Variants in ASH1L observed in about 807,000 individuals in gnomAD.
ASH1L encodes the protein histone-lysine N-methyltransferase ASH1L.
In ASH1L, 23 loss-of-function variants were observed where a neutral mutation model predicts 269.0. The ratio of observed to expected loss-of-function variants is 0.09; its 90% confidence interval spans 0.06 to 0.12. ASH1L has a LOEUF of 0.12. ASH1L is among the 10% of genes least tolerant of loss of function. The pLI is 1.00. For missense variants in ASH1L, 2,912 were observed against 3,567.8 expected (o/e 0.82, Z 4.68); for synonymous variants, 1,187 against 1,253.5 (o/e 0.95, Z 1.12).
intron 5 of ASH1L, among the ~76,000 whole-genome samples, chr1:155,432,576 TC>T (rs747448256): frequency 6.6e-6 from 1 of 152,178 alleles, no homozygotes; most frequent in Non-Finnish European, 1.5e-5. Context: ...ACTCAGTGTG[TC>T]ATGTCCTTCC....
chr1:155,558,870 G>A (rs561799798), intron 1 of ASH1L, among the ~76,000 whole-genome samples: 6 of 143,844 alleles, frequency 4.2e-5, no homozygotes, highest in Non-Finnish European at 7.5e-5. Flanking sequence ...TTTTTTTTGA[G>A]AGAGTCACTC....
rs1476607329 is a variant in ASH1L, at chr1:155,481,314, T to C, written c.1556A>G (p.His519Arg). The C allele has an allele frequency of 6.2e-7, 1 of 1,614,006 alleles. No individual in the cohort carries two copies. The highest frequency in any genetic ancestry group is 8.5e-7 in the Non-Finnish European group (1 of 1,179,988). Residue 519 changes from histidine to arginine, a missense_variant, in exon 3 of 28, where the codon CAT becomes CGT. His to Arg is a conservative substitution (Grantham distance 29). Transcript: ENST00000392403. ...GCAATATACAGGAGGCTGCTTTTCATGCTTTGAGGTTTCATAAGATCCCTT... is the reference window on the plus strand; with the variant it reads ...GCAATATACAGGAGGCTGCTTTTCACGCTTTGAGGTTTCATAAGATCCCTT... ...SEKGSYETSK[H>R]EKQPPVYCTS...
At chr1:155,509,970 T>G (rs749054691) in intron 2 of ASH1L, among the ~76,000 whole-genome samples, 2 of 152,150 alleles carry the variant, frequency 1.3e-5, no homozygotes, top group Non-Finnish European at 2.9e-5. Flanking sequence ...GGAAATCTTT[T>G]ATAAACTTCG....
At chr1:155,454,491 G>A (rs955497775) in intron 4 of ASH1L, among the ~76,000 whole-genome samples, 1 of 152,198 alleles carries the variant, frequency 6.6e-6, no homozygotes, top group Non-Finnish European at 1.5e-5. Context: ...ATACAGGTCA[G>A]GAGTGGTGGC....
chr1:155,360,242 GT>G lies in ASH1L; in HGVS notation c.6795+58del. On this transcript the variant is annotated intron_variant, in intron 13 of 27. Coordinates refer to ENST00000392403, the MANE Select transcript of ASH1L (RefSeq NM_018489.3). ...TCAATCATGTTTACAGAAAGCTCATGTTATTACAGCATTGTAAGGGATAAAG... is the reference window on the plus strand; with the variant it reads ...TCAATCATGTTTACAGAAAGCTCATGTATTACAGCATTGTAAGGGATAAAG... 4 of 1,156,206 alleles carry G rather than the reference GT, an allele frequency of 3.5e-6. No homozygotes were observed. In the South Asian group the frequency reaches 4.9e-5, roughly 14 times the overall value. The allele number at this position is 1,156,206 out of a possible 1,614,324, so 71.6% of individuals were successfully genotyped here.
chr1:155,488,668 C>CG, intron 2 of ASH1L, among the ~76,000 whole-genome samples: 1 of 29,196 alleles, frequency 3.4e-5, no homozygotes, highest in East Asian at 1.0e-3. Context: ...GACTCTGTCA[C>CG]AAAAAAAAAA....
chr1:155,354,410 T>C (rs1190299345), intron 16 of ASH1L, 63 bp downstream of exon 16: 2 of 1,499,182 alleles, frequency 1.3e-6, no homozygotes, highest in Non-Finnish European at 1.8e-6. Flanking sequence ...GCCATTGCAC[T>C]CCAGTCTGGG....
At position 155,370,653 on chromosome 1, in the gene ASH1L, A is replaced by G. The variant is rs1425940645; in HGVS notation, c.6540-3T>C. ...GATACTGCTCAATCATCCTGTTCCT[A>G]AAGAGAAGATAAATGATTGAAAGAC... On this transcript the variant is annotated splice_polypyrimidine_tract_variant and splice_region_variant and intron_variant, in intron 11 of 27. Transcript: ENST00000392403. 8.7e-6 allele frequency: 14 copies of G among 1,613,964 alleles called. No homozygotes were observed. The highest frequency in any genetic ancestry group is 1.1e-5 in the Non-Finnish European group (13 of 1,179,890).
rs776533356 is a variant in ASH1L, at chr1:155,454,044, G to A, written c.5086+5753C>T. Among the ~76,000 whole-genome samples, 15 of 151,968 alleles carry A rather than the reference G, an allele frequency of 9.9e-5. 1 individual carries two copies. Among genetic ancestry groups the A allele is most frequent in the South Asian group, 8.3e-4 (4 of 4,812 alleles). ...GGCATGAACCTGGGAGGCGGAGCTT[G>A]CAGTGAGCCGAGATCGCACCACTGC... On this transcript the variant is annotated intron_variant, in intron 4 of 27. Transcript: ENST00000392403.
chr1:155,395,565 A>G lies in ASH1L; in HGVS notation c.6009-12T>C, dbSNP rs1359449803. ...ATCGACTCTTTGGGCTGTGATAAAA[A>G]AAGAATGGGAAACAGTCAAGAGGCA... On this transcript the variant is annotated splice_polypyrimidine_tract_variant and intron_variant, in intron 6 of 27. Transcript: ENST00000392403. 8.8e-6 allele frequency: 14 copies of G among 1,597,648 alleles called. No homozygotes were observed. The highest frequency in any genetic ancestry group is 1.2e-5 in the Non-Finnish European group (14 of 1,171,852).
chr1:155,472,366 A>T (rs1480535243), intron 3 of ASH1L, among the ~76,000 whole-genome samples: 2 of 152,210 alleles, frequency 1.3e-5, no homozygotes, highest in Non-Finnish European at 2.9e-5. Context: ...CTTCCCTGCT[A>T]TCTTTCTCAT....
intron 16 of ASH1L, among the ~76,000 whole-genome samples, chr1:155,354,103 A>G (rs902599010): frequency 1.3e-5 from 2 of 152,254 alleles, no homozygotes; most frequent in African/African-American, 4.8e-5. Context: ...GTTGTTAAAT[A>G]GATTATCTGC....
Position 155,547,218 on chromosome 1 carries a change from T to C in ASH1L, c.-100+14935A>G, listed in dbSNP as rs147992856. ...TGCCCGCCTTGGCCTCCCAAAGTGC[T>C]GGGATTATGTTTCATCATATTCTTA... On this transcript the variant is annotated intron_variant, in intron 1 of 27. Coordinates refer to ENST00000392403, the MANE Select transcript of ASH1L (RefSeq NM_018489.3). 7.9e-5 allele frequency among the ~76,000 whole-genome samples: 12 copies of C among 151,634 alleles called. No individual in the cohort carries two copies. In the East Asian group the frequency reaches 2.3e-3, roughly 30 times the overall value.
chr1:155,556,837 T>G (rs1671629205), intron 1 of ASH1L, among the ~76,000 whole-genome samples: 1 of 152,050 alleles, frequency 6.6e-6, no homozygotes, highest in African/African-American at 2.4e-5. Context: ...CTGCTGAAGT[T>G]CGAGACCAGT....
chr1:155,478,447 A>G lies in ASH1L; in HGVS notation c.4423T>C (p.Tyr1475His). Residue 1475 changes from tyrosine to histidine, a missense_variant, in exon 3 of 28, where the codon TAT becomes CAT. Around this residue, in one of 13 missense-constraint regions of ASH1L, gnomAD observed 789 missense variants for 897.6 expected, o/e 0.88. Transcript: ENST00000392403. This position sits in a 1 kb window ranked among gnomAD's most constrained non-coding sequence, Gnocchi z 4.6. The part of the protein sequence containing the change: ...TYPSVPPEMA[Y>H]GWMVEHKHRH... Reference sequence around the variant, plus strand: ...TGTTTGTGCTCAACCATCCAACCATAGGCCATCTCAGGAGGAACACTGGGG... The same window carrying G: ...TGTTTGTGCTCAACCATCCAACCATGGGCCATCTCAGGAGGAACACTGGGG... 6.2e-7 allele frequency: 1 copy of G among 1,614,116 alleles called. No individual in the cohort carries two copies. Among genetic ancestry groups the G allele is most frequent in the Non-Finnish European group, 8.5e-7 (1 of 1,180,024 alleles).
chr1:155,479,794 C>T lies in ASH1L; in HGVS notation c.3076G>A (p.Ala1026Thr). 1 of 1,614,152 alleles carries T rather than the reference C, an allele frequency of 6.2e-7. No homozygotes were observed. The highest frequency in any genetic ancestry group is 1.1e-5 in the South Asian group (1 of 91,078). ...SKLHNTVSSL[A>T]ATFGSKLGQQ... is the part of the protein sequence containing the mutation. ...CCCAATTTAGAGCCAAATGTGGCAG[C>T]AAGACTTGATACCGTATTATGGAGT... The change falls in exon 3 of 28, where the codon GCT (alanine) becomes ACT (threonine). Residue 1026 changes from alanine to threonine, a missense_variant. By Grantham distance (58) the Ala-to-Thr change is moderately conservative. Around this residue, in one of 13 missense-constraint regions of ASH1L, gnomAD observed 715 missense variants for 721.0 expected, o/e 0.99. Coordinates refer to ENST00000392403, the MANE Select transcript of ASH1L (RefSeq NM_018489.3).
chr1:155,428,536 A>G (rs1449064752), intron 5 of ASH1L, among the ~76,000 whole-genome samples: 1 of 152,156 alleles, frequency 6.6e-6, no homozygotes, highest in East Asian at 1.9e-4. Context: ...AAATCTCTTC[A>G]GCACTGTGAC....
At chr1:155,416,079 T>A (rs1660184246) in intron 5 of ASH1L, among the ~76,000 whole-genome samples, 156 bp from the exon 6 acceptor site, 1 of 151,984 alleles carries the variant, frequency 6.6e-6, no homozygotes, top group South Asian at 2.1e-4. Flanking sequence ...AGACTTCTCC[T>A]GACAAGAAGT....
chr1:155,525,518 C>G (rs1269853140), intron 1 of ASH1L, among the ~76,000 whole-genome samples: 1 of 150,130 alleles, frequency 6.7e-6, no homozygotes, highest in African/African-American at 2.4e-5. Flanking sequence ...GCCAGTTCAC[C>G]CAATCTACAT....
Sources: gnomAD v4.1 joint callset for allele counts (sites outside exome capture counted in the v4.1 genomes callset) on GRCh38, gnomAD v4.1.1 for gene constraint, gnomAD v4.1.1 regional missense constraint, Gnocchi (gnomAD v3.1) non-coding constraint, MANE v1.5 for transcripts, NCBI Gene and HGNC (gene_info 2026-07-23, HGNC 2026-07-21) for gene names.